The following DNM3 variants were observed in gnomAD, a reference collection of about 807,000 sequenced individuals.
The protein encoded by DNM3 is dynamin 3.
In DNM3, 47 loss-of-function variants were observed where a neutral mutation model predicts 101.6. The ratio of observed to expected loss-of-function variants is 0.46; its 90% CI spans 0.37 to 0.59. The LOEUF is 0.59. DNM3 is among the 20% of genes least tolerant of loss of function. DNM3 has a pLI of 0.00. For synonymous variants in DNM3, 385 were observed against 387.9 expected (o/e 0.99, Z 0.09); for missense variants, 849 against 1,085.7 (o/e 0.78, Z 3.06).
At chr1:172,219,125 G>A (rs188167763) in intron 14 of DNM3, among the ~76,000 whole-genome samples, 2 of 152,138 alleles carry the variant, frequency 1.3e-5, no homozygotes, top group Admixed American at 1.3e-4. Context: ...GGCTGAGGTA[G>A]GAGAATTGCT....
intron 18 of DNM3, among the ~76,000 whole-genome samples, chr1:172,384,982 A>ATTTGCT (rs2069108667): frequency 6.6e-6 from 1 of 152,216 alleles, no homozygotes; most frequent in African/African-American, 2.4e-5. Context: ...ATATTCCTAA[A>ATTTGCT]GCCAAATTTG....
intron 14 of DNM3, among the ~76,000 whole-genome samples, chr1:172,132,205 C>T (rs968062183): frequency 3.9e-5 from 6 of 152,174 alleles, no homozygotes; most frequent in Admixed American, 3.3e-4. Flanking sequence ...CTTGGCCTGA[C>T]ATCTTTTGAA....
At chr1:172,339,126 T>A (rs115380889) in intron 17 of DNM3, 11 of 440,518 alleles carry the variant, frequency 2.5e-5, no homozygotes, top group Non-Finnish European at 4.9e-5. Flanking sequence ...TATTTTGATA[T>A]GTTAAGTTGT....
At chr1:171,904,183 G>C (rs2421948) in intron 1 of DNM3, among the ~76,000 whole-genome samples, 67,303 of 150,912 alleles carry the variant, frequency 0.45, 15,226 homozygotes, top group East Asian at 0.66. Context: ...GTGGTGTCAC[G>C]CACCTGTAGT....
At chr1:171,993,186 G>T (rs2045751384) in intron 4 of DNM3, among the ~76,000 whole-genome samples, 1 of 151,852 alleles carries the variant, frequency 6.6e-6, no homozygotes, top group Non-Finnish European at 1.5e-5. Flanking sequence ...TAACTTTACT[G>T]GTGTTCTTCA....
At position 172,106,847 on chromosome 1, in the gene DNM3, CTT is replaced by C. The variant is rs1165611083; in HGVS notation, c.1545+13995_1545+13996del. On this transcript the variant is annotated intron_variant, in intron 13 of 20. Transcript: ENST00000627582. ...TTATTCAATTTAAGGTAACATTATT[CTT>C]TTTTTTTTTTTTTTTTTTTTTTGAG... Among the ~76,000 whole-genome samples the C allele has an allele frequency of 4.2e-3, 287 of 67,928 alleles. 3 individuals are homozygous for C. Among genetic ancestry groups the C allele is most frequent in the African/African-American group, 0.017 (265 of 15,764 alleles). The allele number at this position is 67,928 out of a possible 152,430, so 44.6% of individuals were successfully genotyped here.
chr1:171,890,682 T>TA (rs2037190238), intron 1 of DNM3, among the ~76,000 whole-genome samples: 1 of 152,218 alleles, frequency 6.6e-6, no homozygotes, highest in Non-Finnish European at 1.5e-5. Context: ...GCATAGTTTA[T>TA]GTTAGAATAC....
At chr1:172,001,793 G>A (rs1051516205) in intron 4 of DNM3, among the ~76,000 whole-genome samples, 2 of 151,894 alleles carry the variant, frequency 1.3e-5, no homozygotes, top group African/African-American at 4.8e-5. Flanking sequence ...TCATCTTATG[G>A]GGGTGTGTCC....
At chr1:172,229,473 A>T (rs1423332576) in intron 14 of DNM3, among the ~76,000 whole-genome samples, 1 of 152,184 alleles carries the variant, frequency 6.6e-6, no homozygotes, top group Non-Finnish European at 1.5e-5. Flanking sequence ...GCACACTCAG[A>T]CAGACACATG....
chr1:172,094,979 C>G (rs980415222), intron 13 of DNM3, among the ~76,000 whole-genome samples: 3 of 152,178 alleles, frequency 2.0e-5, no homozygotes, highest in Admixed American at 6.5e-5. Context: ...CTTGGAACAG[C>G]TTTCAGTTAT....
Position 172,412,636 on chromosome 1 carries a change from C to T in DNM3, c.*4795C>T. 1.0e-6 allele frequency: 1 copy of T among 985,750 alleles called. No individual in the cohort carries two copies. Among genetic ancestry groups the T allele is most frequent in the African/African-American group, 1.7e-5 (1 of 57,334 alleles). The allele number at this position is 985,750 out of a possible 1,614,324, so 61.1% of individuals were successfully genotyped here. A position where few individuals can be genotyped will look rare whatever the true frequency, so the allele number is the denominator to read the frequency against. ...TGAAGAAAAATCTCAAAGCCTGTAT[C>T]GTTCTTGAAGGTCACATGTACCTAT... On this transcript the variant is annotated 3_prime_UTR_variant, in exon 21 of 21. Coordinates refer to ENST00000627582, the MANE Select transcript of DNM3 (RefSeq NM_015569.5).
At chr1:172,227,395 C>T (rs1365778819) in intron 14 of DNM3, among the ~76,000 whole-genome samples, 1 of 150,164 alleles carries the variant, frequency 6.7e-6, no homozygotes, top group African/African-American at 2.4e-5. Context: ...TAAACATACA[C>T]ATGCAAGTGT....
At chr1:172,415,750 G>A (rs1047160903), downstream of DNM3, among the ~76,000 whole-genome samples, 2 of 151,826 alleles carry the variant, frequency 1.3e-5, no homozygotes, top group African/African-American at 4.8e-5. Context: ...GGCTGGTCTC[G>A]AACTCCTGAC....
rs182455826 is a variant in DNM3, at chr1:172,305,176, T to C, written c.1770-3552T>C. ...AGAAAAGAGAGAAGAATCAAATAGA[T>C]GCAATAAAAAATGATAAAGGGGATA... On this transcript the variant is annotated intron_variant, in intron 15 of 20. Coordinates refer to ENST00000627582, the MANE Select transcript of DNM3 (RefSeq NM_015569.5). 4.2e-3 allele frequency among the ~76,000 whole-genome samples: 642 copies of C among 151,740 alleles called. 10 individuals carry two copies. Among genetic ancestry groups the C allele is most frequent in the African/African-American group, 0.015 (601 of 41,358 alleles).
At chr1:172,266,757 A>G (rs2062875541) in intron 15 of DNM3, among the ~76,000 whole-genome samples, 1 of 152,170 alleles carries the variant, frequency 6.6e-6, no homozygotes, top group African/African-American at 2.4e-5. Flanking sequence ...TCATCTTTCC[A>G]GTAGAGGTGT....
chr1:172,322,515 T>G (rs1193145476), intron 16 of DNM3, among the ~76,000 whole-genome samples: 1 of 152,230 alleles, frequency 6.6e-6, no homozygotes, highest in Non-Finnish European at 1.5e-5. Flanking sequence ...CTCTTGCAGC[T>G]CAGGGTTGAA....
chr1:172,245,366 A>G (rs1288070752), intron 14 of DNM3, among the ~76,000 whole-genome samples: 1 of 152,226 alleles, frequency 6.6e-6, no homozygotes, highest in South Asian at 2.1e-4. Context: ...AGTAAGACAA[A>G]AGCACAAAGT....
chr1:172,006,699 G>A (rs2046716268), intron 4 of DNM3, among the ~76,000 whole-genome samples: 1 of 152,162 alleles, frequency 6.6e-6, no homozygotes, highest in South Asian at 2.1e-4. Flanking sequence ...GGGTGGGGAA[G>A]TATGCATTCT....
rs1314136697 is a variant in DNM3 at position 171,921,736 on chromosome 1, T to C, written c.162-12T>C. ...CCTTCATGCCTTAATCTGTATTTCT[T>C]ACTTTTTTTAGGGACTTTCTCCCTC... On this transcript the variant is annotated splice_polypyrimidine_tract_variant and intron_variant, in intron 1 of 20. Transcript: ENST00000627582. 1 of 1,571,268 alleles carries C rather than the reference T, an allele frequency of 6.4e-7. No individual in the cohort carries two copies. The highest frequency in any genetic ancestry group is 8.6e-7 in the Non-Finnish European group (1 of 1,156,258).
Sources: gnomAD v4.1 joint callset for allele counts (sites outside exome capture counted in the v4.1 genomes callset) on GRCh38, gnomAD v4.1.1 for gene constraint, MANE v1.5 for transcripts, NCBI Gene and HGNC (gene_info 2026-07-23, HGNC 2026-07-21) for gene names.